TRIM46: variants seen among roughly 807,000 people sequenced by gnomAD.
TRIM46 encodes tripartite motif-containing protein 46.
A neutral mutation model predicts 69.7 loss-of-function variants in TRIM46; 17 were observed. The observed-to-expected ratio is 0.24, with a 90% CI of 0.17 to 0.37. The LOEUF is 0.37. Among genes scored for constraint, TRIM46 ranks in the 10% least tolerant of loss-of-function variants. The pLI is 1.00. For missense variants in TRIM46, 675 were observed against 1,025.1 expected, an observed-to-expected ratio of 0.66 and a Z score of 4.66; for synonymous variants, 391 against 429.0, an observed-to-expected ratio of 0.91 and a Z score of 1.09.
At position 155,182,069 on chromosome 1, in the gene TRIM46, C is replaced by G; in HGVS notation, c.1806C>G (p.Ser602=). 6.2e-7 allele frequency: 1 copy of G among 1,614,080 alleles called. No homozygotes were observed. The highest frequency in any genetic ancestry group is 1.1e-5 in the South Asian group (1 of 91,078). The change falls in exon 9 of 10, where the codon TCC becomes TCG. Residue 602 remains serine, a synonymous_variant. Transcript: ENST00000334634. ...GGGCCTGCGCCGTAGACCCAGCCTC[C>G]TACTTGGTCAAGGTGGGCGTCGGGC... ...SYWACAVDPA[S]YLVKVGVGLE...
In TRIM46 at chr1:155,176,138, C is replaced by A; in HGVS notation, c.576C>A (p.Thr192=). The A allele has an allele frequency of 1.2e-6, 2 of 1,614,028 alleles. No individual in the cohort carries two copies. Among genetic ancestry groups the A allele is most frequent in the South Asian group, 2.2e-5 (2 of 91,090 alleles). The change falls in exon 3 of 10, where the codon ACC becomes ACA. Residue 192 remains threonine (T), a synonymous_variant. Coordinates refer to ENST00000334634, the MANE Select transcript of TRIM46 (RefSeq NM_025058.5). ...ATKGCTECRA[T]FCNECFKLFH... ...AGGGCTGCACAGAGTGCCGCGCCAC[C>A]TTCTGCAATGAGTGCTTCAAGCTCT...
chr1:155,178,268 A>C lies in TRIM46; in HGVS notation c.1163+13A>C. The C allele has an allele frequency of 1.3e-6, 2 of 1,586,718 alleles. No homozygotes were observed. Among genetic ancestry groups the C allele is most frequent in the Non-Finnish European group, 1.7e-6 (2 of 1,163,602 alleles). The stretch of plus-strand genomic sequence containing the variant: ...AGCTGCACAACAGGTACTCAGGGGC[A>C]TGGGCTCCTAGGGGGGCAGGGACAT... On this transcript the variant is annotated intron_variant, in intron 6 of 9. Transcript: ENST00000334634.
intron 9 of TRIM46, 65 bp downstream of exon 9, chr1:155,182,214 T>A: frequency 7.8e-7 from 1 of 1,282,212 alleles, no homozygotes. Context: ...ACAGAAGGGG[T>A]GGCAAGTGGA....
chr1:155,182,238 A>G, intron 9 of TRIM46, 89 bp downstream of exon 9: 1 of 520,576 alleles, frequency 1.9e-6, no homozygotes, highest in Non-Finnish European at 3.6e-6. Context: ...CAGACTTGCT[A>G]GGGTGGGGCT....
chr1:155,181,775 C>T lies in TRIM46; in HGVS notation c.1589-77C>T. On this transcript the variant is annotated intron_variant, in intron 8 of 9. Coordinates refer to ENST00000334634, the MANE Select transcript of TRIM46 (RefSeq NM_025058.5). This position sits in a 1 kb window ranked among gnomAD's most constrained non-coding sequence, Gnocchi z 4.3. Reference sequence around the variant, plus strand: ...ACCCCCTTGCAACGCGTTCCCTGTTCTGCAGTCTCACAGCCCCCAGTGCCA... The same window carrying T: ...ACCCCCTTGCAACGCGTTCCCTGTTTTGCAGTCTCACAGCCCCCAGTGCCA... 2 of 1,510,848 alleles carry T rather than the reference C, an allele frequency of 1.3e-6. No individual in the cohort carries two copies. Among genetic ancestry groups the T allele is most frequent in the South Asian group, 1.3e-5 (1 of 79,534 alleles). The allele number at this position is 1,510,848 out of a possible 1,614,324, so 93.6% of individuals were successfully genotyped here.
rs1666390259 is a variant in TRIM46 at position 155,184,286 on chromosome 1, C to CA, written c.*99dup. On this transcript the variant is annotated 3_prime_UTR_variant, in exon 10 of 10. Transcript: ENST00000334634. The surrounding 1 kb of genome is among the most constrained non-coding windows in gnomAD (Gnocchi z 5.6). ...TGTTACCCCCTGGCAGCTTCTCCCC[C>CA]AAACTCTCCTACCATGTGGCCCTGC... 5 of 1,317,390 alleles carry CA rather than the reference C, an allele frequency of 3.8e-6. No homozygotes were observed. In the South Asian group the frequency reaches 6.1e-5, roughly 16 times the overall value. 81.6% of individuals were successfully genotyped at this position (1,317,390 alleles called of 1,614,324 possible). A position where few individuals can be genotyped will look rare whatever the true frequency, so the allele number is the denominator to read the frequency against.
Position 155,178,608 on chromosome 1 carries a change from T to A in TRIM46, c.1280T>A (p.Leu427Gln), listed in dbSNP as rs762560404. The change falls in exon 7 of 10, where the codon CTG becomes CAG. Residue 427 changes from leucine (L) to glutamine (Q), a missense_variant. Coordinates refer to ENST00000334634, the MANE Select transcript of TRIM46 (RefSeq NM_025058.5). ...AAGCTGCTGACAGAGCTTAACTTCC[T>A]GCGAGGTAAGGAGATGGCCAGGCCC... Reference protein sequence around the residue: ...EMKLLTELNFLRVPEAPVIDT... With the variant: ...EMKLLTELNFQRVPEAPVIDT... 2 of 1,613,184 alleles carry A rather than the reference T, an allele frequency of 1.2e-6. No homozygotes were observed. The highest frequency in any genetic ancestry group is 3.3e-5 in the Admixed American group (2 of 60,018).
In TRIM46 at chr1:155,178,915, C is replaced by T. The variant is rs972682105; in HGVS notation, c.1285+302C>T. On this transcript the variant is annotated intron_variant, in intron 7 of 9. Transcript: ENST00000334634. Reference sequence around the variant, plus strand: ...CCCCCTTCCCACCCCGCTGCTCCCACGCATCTCAGCCAACCACTCATTGCT... The same window carrying T: ...CCCCCTTCCCACCCCGCTGCTCCCATGCATCTCAGCCAACCACTCATTGCT... The T allele has an allele frequency of 2.7e-4, 320 of 1,167,308 alleles. 1 individual carries two copies. The African/African-American group carries it at 4.0e-3, about 15-fold the overall frequency. The allele number at this position is 1,167,308 out of a possible 1,614,324, so 72.3% of individuals were successfully genotyped here.
chr1:155,176,705 G>C (rs1487588423), intron 3 of TRIM46, among the ~76,000 whole-genome samples: 1 of 152,188 alleles, frequency 6.6e-6, no homozygotes, highest in African/African-American at 2.4e-5. Flanking sequence ...ATCCCAATGA[G>C]AGAGATGAAG....
At chr1:155,182,394 G>C in intron 9 of TRIM46, 1 of 577,626 alleles carries the variant, frequency 1.7e-6, no homozygotes, top group Non-Finnish European at 3.1e-6. Flanking sequence ...GATAGAAGAG[G>C]GAGCCATCTC....
At chr1:155,174,972 TG>T in intron 1 of TRIM46, 1 of 1,382,238 alleles carries the variant, frequency 7.2e-7, no homozygotes, top group Non-Finnish European at 9.3e-7. Flanking sequence ...AATCACGGCA[TG>T]GGGGTGCTGC....
Position 155,177,272 on chromosome 1 carries a change from G to GGCC in TRIM46, c.893_895dup (p.Ala298dup), listed in dbSNP as rs1185045766. The GGCC allele has an allele frequency of 6.2e-7, 1 of 1,614,154 alleles. No homozygotes were observed. Among genetic ancestry groups the GGCC allele is most frequent in the South Asian group, 1.1e-5 (1 of 91,062 alleles). ...AGACCCAGATCTGTGAGCTGGAGGA[G>GGCC]GCCGTGAGGCACACCGAGGTGAGGG... On this transcript the variant is annotated inframe_insertion, in exon 5 of 10. Coordinates refer to ENST00000334634, the MANE Select transcript of TRIM46 (RefSeq NM_025058.5).
At chr1:155,180,295 G>T in intron 8 of TRIM46, 1 of 334,838 alleles carries the variant, frequency 3.0e-6, no homozygotes, top group Non-Finnish European at 5.4e-6. Context: ...AGCGAGACCC[G>T]ATCTCTAAAA....
At position 155,177,240 on chromosome 1, in the gene TRIM46, A is replaced by T. The variant is rs769365689; in HGVS notation, c.859A>T (p.Thr287Ser). ...SLTYILGNQD[T>S]VQTQICELEE... is the part of the protein sequence containing the mutation. ...GACATACATCCTGGGAAACCAGGACACGGTACAGACCCAGATCTGTGAGCT... is the reference window on the plus strand; with the variant it reads ...GACATACATCCTGGGAAACCAGGACTCGGTACAGACCCAGATCTGTGAGCT... The change falls in exon 5 of 10, where the codon ACG becomes TCG. Residue 287 changes from threonine (T) to serine (S), a missense_variant. Physicochemically the swap from Thr to Ser is moderately conservative, Grantham distance 58. This residue lies in a region of TRIM46 where 361 missense variants were observed against 498.3 expected (regional missense o/e 0.72). Coordinates refer to ENST00000334634, the MANE Select transcript of TRIM46 (RefSeq NM_025058.5). 1.2e-5 allele frequency: 19 copies of T among 1,614,160 alleles called. 1 individual carries two copies. In the South Asian group the frequency reaches 2.1e-4, roughly 18 times the overall value.
chr1:155,182,211 G>A (rs1162290573), intron 9 of TRIM46, 62 bp downstream of exon 9: 1 of 1,548,272 alleles, frequency 6.5e-7, no homozygotes, highest in East Asian at 2.3e-5. Context: ...GGCACAGAAG[G>A]GGTGGCAAGT....
rs1361174787 is a variant in TRIM46 at position 155,184,145 on chromosome 1, G to T, written c.2235G>T (p.Lys745Asn). ...AGCTCCAGGAGCCAGTGGGCACTAA[G>T]CCTGAGAGGAAAGTCACCATTGGGG... ...AVQLQEPVGT[K>N]PERKVTIGGF... Residue 745 changes from lysine (K) to asparagine (N), a missense_variant, in exon 10 of 10, where the codon AAG becomes AAT. This residue lies in a region of TRIM46 where 108 missense variants were observed against 153.0 expected (regional missense o/e 0.71). Coordinates refer to ENST00000334634, the MANE Select transcript of TRIM46 (RefSeq NM_025058.5). This position sits in a 1 kb window ranked among gnomAD's most constrained non-coding sequence, Gnocchi z 5.6. 61 of 1,613,602 alleles carry T rather than the reference G, an allele frequency of 3.8e-5. No individual in the cohort carries two copies. The highest frequency in any genetic ancestry group is 5.2e-5 in the Non-Finnish European group (61 of 1,179,912).
chr1:155,176,905 C>A (rs1665703095), intron 3 of TRIM46, 27 bp from the exon 4 acceptor site: 1 of 1,607,714 alleles, frequency 6.2e-7, no homozygotes. Flanking sequence ...CATTGTCTGA[C>A]CATCACATTG....
At chr1:155,174,566 TC>T (rs1463793019) in intron 1 of TRIM46, 73 of 1,486,164 alleles carry the variant, frequency 4.9e-5, no homozygotes, top group Non-Finnish European at 6.2e-5. Flanking sequence ...CACCACTTCC[TC>T]CCCCCCTCCT....
chr1:155,184,127 G>A lies in TRIM46; in HGVS notation c.2217G>A (p.Gln739=), dbSNP rs2147800900. 2 of 1,613,840 alleles carry A rather than the reference G, an allele frequency of 1.2e-6. No individual in the cohort carries two copies. The highest frequency in any genetic ancestry group is 2.2e-5 in the East Asian group (1 of 44,880). ...TCGGGGGTGGCGCAGTACAGCTCCA[G>A]GAGCCAGTGGGCACTAAGCCTGAGA... ...CFIGGGAVQL[Q]EPVGTKPERK... is the part of the protein sequence containing the mutation. Residue 739 remains glutamine, a synonymous_variant, in exon 10 of 10, where the codon CAG becomes CAA. Coordinates refer to ENST00000334634, the MANE Select transcript of TRIM46 (RefSeq NM_025058.5). This position sits in a 1 kb window ranked among gnomAD's most constrained non-coding sequence, Gnocchi z 5.6.
Sources: allele counts gnomAD v4.1 joint callset (sites outside exome capture counted in the v4.1 genomes callset), GRCh38; gene constraint gnomAD v4.1.1; regional missense constraint gnomAD v4.1.1; non-coding constraint Gnocchi (gnomAD v3.1); transcripts MANE v1.5; gene names NCBI Gene and HGNC (gene_info 2026-07-23, HGNC 2026-07-21).